Variants in NCOA2 observed in about 807,000 individuals in gnomAD.
NCOA2 encodes nuclear receptor coactivator 2, also known as class E basic helix-loop-helix protein 75.
Under a neutral mutation model 145.1 loss-of-function variants are expected in NCOA2, and 21 were observed. The ratio of observed to expected loss-of-function variants is 0.14; its 90% CI spans 0.10 to 0.21. The LOEUF is 0.21. Ranked by LOEUF, NCOA2 falls within the 10% of genes least tolerant of loss-of-function variation. The pLI, the probability that NCOA2 is intolerant of heterozygous loss-of-function variation, is 1.00. For synonymous variants in NCOA2, 619 were observed against 637.5 expected (o/e 0.97, Z 0.44); for missense variants, 1,472 against 1,837.6 (o/e 0.80, Z 3.64).
At chr8:70,432,089 A>T in the NCOA2 span, among the ~76,000 whole-genome samples, 1 of 152,336 alleles carries the variant, frequency 6.6e-6, no homozygotes, top group East Asian at 1.9e-4. Flanking sequence ...GGTACAGATG[A>T]TTATATGGAT....
the NCOA2 span, chr8:70,424,467 AC>A: frequency 1.9e-6 from 1 of 513,044 alleles, no homozygotes. Flanking sequence ...CATATCTTCG[AC>A]CCACACCCTC....
intron 4 of NCOA2, among the ~76,000 whole-genome samples, chr8:70,202,923 T>C (rs955604027): frequency 6.6e-6 from 1 of 152,092 alleles, no homozygotes; most frequent in African/African-American, 2.4e-5. Context: ...CTGGGCGCGG[T>C]AGCTTATGCC....
At chr8:70,293,912 C>G (rs1666621116) in intron 2 of NCOA2, among the ~76,000 whole-genome samples, 1 of 152,010 alleles carries the variant, frequency 6.6e-6, no homozygotes, top group South Asian at 2.1e-4. Flanking sequence ...TTCATATACT[C>G]AAATCTGGAA....
chr8:70,176,649 T>G (rs948844784), intron 4 of NCOA2, among the ~76,000 whole-genome samples: 1 of 152,208 alleles, frequency 6.6e-6, no homozygotes, highest in African/African-American at 2.4e-5. Flanking sequence ...GGGCATACTT[T>G]TTAATTTTTT....
chr8:70,451,662 C>A, the NCOA2 span, among the ~76,000 whole-genome samples: 1 of 152,060 alleles, frequency 6.6e-6, no homozygotes, highest in Non-Finnish European at 1.5e-5. Flanking sequence ...GTTCGATTGA[C>A]TATGTTTGAT....
intron 1 of NCOA2, among the ~76,000 whole-genome samples, chr8:70,379,249 T>C (rs367797076): frequency 5.3e-5 from 8 of 152,228 alleles, no homozygotes; most frequent in African/African-American, 1.4e-4. Flanking sequence ...CAAAGCATTA[T>C]ACCCACCCTC....
chr8:70,290,483 C>T (rs1179352266), intron 2 of NCOA2, among the ~76,000 whole-genome samples: 1 of 152,064 alleles, frequency 6.6e-6, no homozygotes, highest in Non-Finnish European at 1.5e-5. Flanking sequence ...CCAACGCGCC[C>T]GGCCTATTTC....
the NCOA2 span, among the ~76,000 whole-genome samples, chr8:70,422,976 C>T: frequency 2.0e-5 from 3 of 151,992 alleles, no homozygotes; most frequent in African/African-American, 4.8e-5. Context: ...TTACAGGGGC[C>T]GCCACTGTGC....
Position 70,128,912 on chromosome 8 carries a change from G to A in NCOA2, c.3393C>T (p.Pro1131=), listed in dbSNP as rs1429355666. 7 of 1,612,744 alleles carry A rather than the reference G, an allele frequency of 4.3e-6. No individual in the cohort carries two copies. The highest frequency in any genetic ancestry group is 2.7e-5 in the African/African-American group (2 of 74,900). ...GAGATGCATACTGCTGTGGGAAAAC[G>A]GGCGCCTTCTGCTCCAGCATGATGT... The part of the protein sequence containing the change: ...DSNIMLEQKA[P]VFPQQYASQA... The change falls in exon 17 of 23, where the codon CCC becomes CCT. Residue 1131 remains proline, a synonymous_variant. Coordinates refer to ENST00000452400, the MANE Select transcript of NCOA2 (RefSeq NM_006540.4).
At chr8:70,298,055 G>T (rs550701366) in intron 1 of NCOA2, among the ~76,000 whole-genome samples, 2 of 151,978 alleles carry the variant, frequency 1.3e-5, no homozygotes, top group African/African-American at 4.8e-5. Context: ...CAGCTCCAAG[G>T]AATGTTTTTA....
At position 70,268,946 on chromosome 8, in the gene NCOA2, G is replaced by A. The variant is rs112070170; in HGVS notation, c.-20+27798C>T. Among the ~76,000 whole-genome samples the A allele has an allele frequency of 3.1e-3, 467 of 152,136 alleles. 5 individuals are homozygous for A. The highest frequency in any genetic ancestry group is 0.011 in the African/African-American group (454 of 41,496). On this transcript the variant is annotated intron_variant, in intron 2 of 22. Transcript: ENST00000452400. ...GTTGTCTCCGCAGCTAGTCTGTAAA[G>A]ATAAATATTTATAGATTTTTCTCCC...
intron 1 of NCOA2, among the ~76,000 whole-genome samples, chr8:70,365,855 C>T (rs931987427): frequency 1.3e-5 from 2 of 151,996 alleles, no homozygotes; most frequent in South Asian, 2.1e-4. Flanking sequence ...AATTTTAAAA[C>T]GGAGAAAGAA....
At chr8:70,426,082 A>G in the NCOA2 span, among the ~76,000 whole-genome samples, 8 of 152,344 alleles carry the variant, frequency 5.3e-5, 1 homozygote, top group South Asian at 8.3e-4. Context: ...GTAAACAGCA[A>G]AACTCTTCTC....
chr8:70,149,571 T>C (rs1811523226), intron 11 of NCOA2, among the ~76,000 whole-genome samples: 1 of 150,840 alleles, frequency 6.6e-6, no homozygotes, highest in Admixed American at 6.6e-5. Context: ...TTTTAAGTTT[T>C]CTCTTCCATT....
chr8:70,453,947 G>C, the NCOA2 span, among the ~76,000 whole-genome samples: 1 of 152,310 alleles, frequency 6.6e-6, no homozygotes, highest in African/African-American at 2.4e-5. Flanking sequence ...GTTTAGGAGG[G>C]TGAGATCCTT....
At chr8:70,275,887 A>G (rs1334872772) in intron 2 of NCOA2, among the ~76,000 whole-genome samples, 1 of 152,200 alleles carries the variant, frequency 6.6e-6, no homozygotes, top group Non-Finnish European at 1.5e-5. Flanking sequence ...ACTTTCAACA[A>G]CTATAAAGGC....
the NCOA2 span, among the ~76,000 whole-genome samples, chr8:70,410,277 T>A: frequency 6.6e-6 from 1 of 152,148 alleles, no homozygotes; most frequent in Non-Finnish European, 1.5e-5. Context: ...ACTCTTATTC[T>A]TTGCTGGCAG....
At chr8:70,285,842 C>G (rs1283670445) in intron 2 of NCOA2, among the ~76,000 whole-genome samples, 1 of 152,060 alleles carries the variant, frequency 6.6e-6, no homozygotes, top group Non-Finnish European at 1.5e-5. Context: ...TCAACAAGTT[C>G]CATTTGTATC....
chr8:70,322,126 A>G (rs1247830186), intron 1 of NCOA2, among the ~76,000 whole-genome samples: 1 of 151,892 alleles, frequency 6.6e-6, no homozygotes, highest in Non-Finnish European at 1.5e-5. Flanking sequence ...CAGAGGGGGA[A>G]AAAAAAACCT....
Sources: allele counts gnomAD v4.1 joint callset (sites outside exome capture counted in the v4.1 genomes callset), GRCh38; gene constraint gnomAD v4.1.1; transcripts MANE v1.5; gene names NCBI Gene and HGNC (gene_info 2026-07-23, HGNC 2026-07-21).